The following KCNN2 variants were observed in gnomAD, a reference collection of about 807,000 sequenced individuals.
KCNN2 encodes potassium calcium-activated channel subfamily N member 2.
A neutral mutation model predicts 55.5 loss-of-function variants in KCNN2; 24 were observed. The observed-to-expected ratio is 0.43, with a 90% confidence interval of 0.31 to 0.61. The LOEUF is 0.61. Ranked by LOEUF, KCNN2 falls within the 20% of genes least tolerant of loss-of-function variation. The pLI is 0.08. For synonymous variants in KCNN2, 431 were observed against 336.1 expected (o/e 1.28, Z -3.09); for missense variants, 754 against 853.6 (o/e 0.88, Z 1.45).
chr5:114,134,169 T>C lies in KCNN2; in HGVS notation c.-271+77669T>C, dbSNP rs568413473. Among the ~76,000 whole-genome samples, 5 of 151,794 alleles carry C rather than the reference T, an allele frequency of 3.3e-5. No homozygotes were observed. The East Asian group carries it at 9.7e-4, about 29-fold the overall frequency. ...GCTCAGGGCTAAGGCCGGCTTTTTTTTCTCTTCCCCTCTTTCTCCAGGCTA... is the reference window on the plus strand; with the variant it reads ...GCTCAGGGCTAAGGCCGGCTTTTTTCTCTCTTCCCCTCTTTCTCCAGGCTA... On this transcript the variant is annotated intron_variant, in intron 1 of 10. Coordinates refer to the KCNN2 transcript ENST00000512097.
chr5:114,152,720 G>T (rs986007949), intron 1 of KCNN2, among the ~76,000 whole-genome samples: 10 of 152,302 alleles, frequency 6.6e-5, no homozygotes, highest in Admixed American at 3.9e-4. Context: ...CTATCTCTAA[G>T]GAGGAAATTT....
intron 1 of KCNN2, among the ~76,000 whole-genome samples, chr5:114,116,257 G>A (rs1751706259): frequency 6.6e-6 from 1 of 152,124 alleles, no homozygotes. Flanking sequence ...GAGAATGAAT[G>A]TCAGGAAAAC....
intron 1 of KCNN2, among the ~76,000 whole-genome samples, chr5:114,173,498 T>A (rs1753081241): frequency 6.7e-6 from 1 of 149,612 alleles, no homozygotes; most frequent in South Asian, 2.1e-4. Flanking sequence ...CCATACAAAT[T>A]GTAGAATTGT....
chr5:114,168,531 T>G (rs1189125655), intron 1 of KCNN2, among the ~76,000 whole-genome samples: 4 of 152,090 alleles, frequency 2.6e-5, no homozygotes, highest in Non-Finnish European at 5.9e-5. Flanking sequence ...TTGCTAGTAT[T>G]AGAGTCATTT....
chr5:114,201,954 G>A (rs1472067780), intron 1 of KCNN2, among the ~76,000 whole-genome samples: 1 of 152,072 alleles, frequency 6.6e-6, no homozygotes, highest in Non-Finnish European at 1.5e-5. Flanking sequence ...AGAAAGGGCA[G>A]GTCCCTCCCA....
chr5:114,071,272 G>A lies in KCNN2; in HGVS notation c.-271+14772G>A, dbSNP rs761881013. ...AGCCAGGAAAATTCCCTAAACTACA[G>A]AGCTTGAGTAGCAGCACCATGGTAG... On this transcript the variant is annotated intron_variant, in intron 1 of 10. Coordinates refer to the KCNN2 transcript ENST00000512097. Among the ~76,000 whole-genome samples the A allele has an allele frequency of 1.6e-4, 24 of 152,196 alleles. 1 individual carries two copies. The highest frequency in any genetic ancestry group is 5.2e-4 in the Admixed American group (8 of 15,276).
chr5:114,364,038 C>T (rs981076306), intron 2 of KCNN2, 37 bp downstream of exon 2: 3 of 1,481,856 alleles, frequency 2.0e-6, no homozygotes, highest in Admixed American at 3.4e-5. Context: ...TGACCCAAAG[C>T]CCTACAGTCA....
At chr5:114,251,323 A>G (rs1295976239) in intron 2 of KCNN2, among the ~76,000 whole-genome samples, 1 of 152,252 alleles carries the variant, frequency 6.6e-6, no homozygotes, top group Non-Finnish European at 1.5e-5. Context: ...AAAGATTCAA[A>G]GGCTTTCAAA....
At chr5:114,262,772 G>A (rs1198964534) in intron 2 of KCNN2, among the ~76,000 whole-genome samples, 1 of 152,092 alleles carries the variant, frequency 6.6e-6, no homozygotes, top group East Asian at 1.9e-4. Context: ...GATGGACAGC[G>A]TGCCTGGATT....
Position 114,289,150 on chromosome 5 carries a change from G to A in KCNN2, c.-185+67585G>A, listed in dbSNP as rs536293628. Among the ~76,000 whole-genome samples the A allele has an allele frequency of 2.0e-5, 3 of 152,186 alleles. No homozygotes were observed. In the East Asian group the frequency reaches 5.8e-4, roughly 29 times the overall value. On this transcript the variant is annotated intron_variant, in intron 2 of 10. Coordinates refer to the KCNN2 transcript ENST00000512097. Reference sequence around the variant, plus strand: ...TAGCGCCCTTGTTGAAAATGTATTAGTAATAGAAGTATGGGTTTATTTCTG... The same window carrying A: ...TAGCGCCCTTGTTGAAAATGTATTAATAATAGAAGTATGGGTTTATTTCTG...
At chr5:114,060,514 G>T (rs1750303741) in intron 1 of KCNN2, among the ~76,000 whole-genome samples, 1 of 152,184 alleles carries the variant, frequency 6.6e-6, no homozygotes, top group Non-Finnish European at 1.5e-5. Context: ...TGGCTTTGAG[G>T]TGATCAAGAT....
intron 1 of KCNN2, among the ~76,000 whole-genome samples, chr5:114,072,236 G>C (rs1301128948): frequency 6.6e-6 from 1 of 151,848 alleles, no homozygotes; most frequent in Non-Finnish European, 1.5e-5. Context: ...AGGTTGCGGT[G>C]AGCCAAGATC....
At chr5:114,158,550 G>A (rs985888365) in intron 1 of KCNN2, among the ~76,000 whole-genome samples, 30 of 151,954 alleles carry the variant, frequency 2.0e-4, no homozygotes, top group Non-Finnish European at 3.4e-4. Flanking sequence ...AAAGTCATTG[G>A]TAGCTTGATG....
chr5:114,174,357 A>C (rs1753097583), intron 1 of KCNN2, among the ~76,000 whole-genome samples: 1 of 152,134 alleles, frequency 6.6e-6, no homozygotes, highest in Admixed American at 6.6e-5. Flanking sequence ...CAGTGACACA[A>C]ACAGACCTAC....
chr5:114,251,248 T>C (rs528791093), intron 2 of KCNN2, among the ~76,000 whole-genome samples: 2 of 152,348 alleles, frequency 1.3e-5, no homozygotes, highest in Admixed American at 6.5e-5. Context: ...ATCGCCTACA[T>C]AGCCTTTCTA....
intron 3 of KCNN2, among the ~76,000 whole-genome samples, chr5:114,454,988 C>A (rs1760857064): frequency 6.6e-6 from 1 of 152,252 alleles, no homozygotes; most frequent in Admixed American, 6.5e-5. Flanking sequence ...TTTGCTCCAT[C>A]TCTTTTTTTC....
intron 1 of KCNN2, among the ~76,000 whole-genome samples, chr5:114,113,427 G>A (rs1184454148): frequency 1.3e-5 from 2 of 151,982 alleles, no homozygotes; most frequent in Non-Finnish European, 2.9e-5. Flanking sequence ...GTAGCTTAGG[G>A]GAGGAGAAAA....
chr5:114,106,577 T>A (rs546450148), intron 1 of KCNN2, among the ~76,000 whole-genome samples: 21 of 151,790 alleles, frequency 1.4e-4, no homozygotes, highest in African/African-American at 5.1e-4. Flanking sequence ...TAGATGGATA[T>A]CATGTTTTGT....
intron 2 of KCNN2, among the ~76,000 whole-genome samples, chr5:114,224,343 AT>A (rs1754201059): frequency 6.6e-6 from 1 of 152,198 alleles, no homozygotes; most frequent in Non-Finnish European, 1.5e-5. Context: ...AAAAGTAACC[AT>A]TTTTTAGAAA....
Sources: gnomAD v4.1 joint callset for allele counts (sites outside exome capture counted in the v4.1 genomes callset) on GRCh38, gnomAD v4.1.1 for gene constraint, MANE v1.5 for transcripts, NCBI Gene and HGNC (gene_info 2026-07-23, HGNC 2026-07-21) for gene names.